EYS: variants seen among roughly 807,000 people sequenced by gnomAD.
The protein encoded by EYS is protein eyes shut homolog.
EYS carries 250 observed loss-of-function variants against 282.1 expected under a neutral mutation model. That is an observed-to-expected ratio of 0.89 (90% CI 0.80 to 0.98). The LOEUF (loss-of-function observed/expected upper bound fraction) is 0.98, where lower values mean the gene tolerates loss of function less well. Ranked by LOEUF, EYS falls within the 50% of genes least tolerant of loss-of-function variation. The pLI is 0.00. For missense variants in EYS, 4,016 were observed against 3,709.0 expected (o/e 1.08, Z -2.15); for synonymous variants, 1,355 against 1,282.9 (o/e 1.06, Z -1.20).
intron 8 of EYS, among the ~76,000 whole-genome samples, chr6:65,378,771 A>G (rs997355703): frequency 1.3e-5 from 2 of 151,798 alleles, no homozygotes; most frequent in African/African-American, 4.9e-5. Flanking sequence ...ATTCTCAGCA[A>G]ACTAACACAG....
At chr6:65,590,620 T>A (rs1562275530) in intron 2 of EYS, among the ~76,000 whole-genome samples, 1 of 152,008 alleles carries the variant, frequency 6.6e-6, no homozygotes, top group Non-Finnish European at 1.5e-5. Flanking sequence ...GGACAACTTC[T>A]TATTCCCCCA....
At chr6:64,753,205 C>A (rs944533461) in intron 22 of EYS, among the ~76,000 whole-genome samples, 1 of 151,924 alleles carries the variant, frequency 6.6e-6, no homozygotes, top group African/African-American at 2.4e-5. Context: ...TGCAAAGCGA[C>A]CAGGTAAAAA....
intron 8 of EYS, among the ~76,000 whole-genome samples, chr6:65,370,402 C>T (rs1234188054): frequency 1.4e-5 from 2 of 147,300 alleles, no homozygotes; most frequent in East Asian, 4.0e-4. Flanking sequence ...ACTATGGATG[C>T]GTGCCACCAG....
chr6:63,999,020 A>C (rs1391319152), intron 34 of EYS, 55 bp downstream of exon 34: 1 of 1,069,278 alleles, frequency 9.4e-7, no homozygotes, highest in Non-Finnish European at 1.4e-6. Context: ...AAAAATACTT[A>C]TCTGAAATAC....
At chr6:64,519,671 T>A (rs1777669976) in intron 26 of EYS, among the ~76,000 whole-genome samples, 1 of 151,720 alleles carries the variant, frequency 6.6e-6, no homozygotes, top group Admixed American at 6.6e-5. Context: ...ACCCACCAAT[T>A]GGAGGATGTG....
intron 28 of EYS, among the ~76,000 whole-genome samples, chr6:64,421,446 G>A (rs1480356479): frequency 6.6e-6 from 1 of 151,984 alleles, no homozygotes; most frequent in Non-Finnish European, 1.5e-5. Context: ...TGAAGGGGAG[G>A]GCAATTTAGG....
At chr6:64,989,262 T>C (rs1000613720) in intron 14 of EYS, among the ~76,000 whole-genome samples, 2 of 150,166 alleles carry the variant, frequency 1.3e-5, no homozygotes, top group South Asian at 2.1e-4. Flanking sequence ...ATAAGCAGAC[T>C]TTTGGTTTTA....
At chr6:64,873,771 A>G (rs1766663803) in intron 19 of EYS, among the ~76,000 whole-genome samples, 1 of 152,030 alleles carries the variant, frequency 6.6e-6, no homozygotes, top group Non-Finnish European at 1.5e-5. Flanking sequence ...CAATGTTTAC[A>G]TAAATAAAAA....
intron 11 of EYS, among the ~76,000 whole-genome samples, chr6:65,312,481 C>CA (rs1322503656): frequency 1.6e-4 from 24 of 151,890 alleles, no homozygotes; most frequent in Middle Eastern, 6.8e-3. Flanking sequence ...TTCTTAAATA[C>CA]AAAAAAAAGA....
intron 12 of EYS, among the ~76,000 whole-genome samples, chr6:65,262,980 T>C (rs1268705858): frequency 6.6e-6 from 1 of 152,122 alleles, no homozygotes; most frequent in Non-Finnish European, 1.5e-5. Context: ...GTAGAAATGG[T>C]TATTAATGTA....
intron 22 of EYS, among the ~76,000 whole-genome samples, chr6:64,772,267 T>A (rs539202484): frequency 6.6e-6 from 1 of 151,774 alleles, no homozygotes; most frequent in African/African-American, 2.4e-5. Context: ...ATCTTCCATA[T>A]TGGTTGTTTT....
At chr6:65,491,918 T>C (rs912686958) in intron 4 of EYS, among the ~76,000 whole-genome samples, 1 of 152,104 alleles carries the variant, frequency 6.6e-6, no homozygotes, top group African/African-American at 2.4e-5. Flanking sequence ...TACACACAGA[T>C]ACATACAGAG....
chr6:64,342,403 C>G (rs556352739), intron 29 of EYS, among the ~76,000 whole-genome samples: 173 of 151,940 alleles, frequency 1.1e-3, no homozygotes, highest in Non-Finnish European at 1.9e-3. Flanking sequence ...AGAGTGGGGG[C>G]CAATACTCAA....
chr6:63,747,224 C>A (rs990165515), intron 41 of EYS, among the ~76,000 whole-genome samples: 2 of 152,132 alleles, frequency 1.3e-5, no homozygotes, highest in Non-Finnish European at 2.9e-5. Context: ...CAATTGGGAG[C>A]AGGTTGTTGA....
At chr6:64,095,511 G>T (rs996111458) in intron 31 of EYS, among the ~76,000 whole-genome samples, 12 of 151,922 alleles carry the variant, frequency 7.9e-5, no homozygotes, top group Non-Finnish European at 1.3e-4. Context: ...TTATGTAATG[G>T]CCTTCTTTGT....
At chr6:64,788,777 C>T (rs755122895) in intron 22 of EYS, among the ~76,000 whole-genome samples, 53 of 152,136 alleles carry the variant, frequency 3.5e-4, no homozygotes, top group Admixed American at 1.4e-3. Flanking sequence ...TACAAATGGG[C>T]ATTTTTAAAA....
intron 12 of EYS, among the ~76,000 whole-genome samples, chr6:65,143,269 T>A (rs972617415): frequency 2.6e-5 from 4 of 151,948 alleles, no homozygotes; most frequent in Non-Finnish European, 5.9e-5. Flanking sequence ...AAGATTTTTT[T>A]TTTTGTACCA....
At chr6:63,914,684 G>A (rs1357140055) in intron 35 of EYS, among the ~76,000 whole-genome samples, 2 of 151,162 alleles carry the variant, frequency 1.3e-5, no homozygotes, top group Non-Finnish European at 2.9e-5. Context: ...CTCTAGCCTG[G>A]GTGACAGAGC....
chr6:65,465,260 T>C lies in EYS; in HGVS notation c.862+25334A>G, dbSNP rs549672630. 1.1e-3 allele frequency among the ~76,000 whole-genome samples: 169 copies of C among 151,962 alleles called. 1 individual carries two copies. The highest frequency in any genetic ancestry group is 3.5e-3 in the African/African-American group (145 of 41,492). On this transcript the variant is annotated intron_variant, in intron 5 of 42. Coordinates refer to ENST00000503581, the MANE Select transcript of EYS (RefSeq NM_001142800.2). ...GGGAGGATCACATGAGGCCAGGAGTTTGAGGCCAGGAGTTTGAGGCCAGCC... is the reference window on the plus strand; with the variant it reads ...GGGAGGATCACATGAGGCCAGGAGTCTGAGGCCAGGAGTTTGAGGCCAGCC...
Sources: gnomAD v4.1 joint callset for allele counts (sites outside exome capture counted in the v4.1 genomes callset) on GRCh38, gnomAD v4.1.1 for gene constraint, MANE v1.5 for transcripts, NCBI Gene and HGNC (gene_info 2026-07-23, HGNC 2026-07-21) for gene names.